The following RASSF6 variants were observed in gnomAD, a reference collection of about 807,000 sequenced individuals.
The protein encoded by RASSF6 is Ras association domain family member 6.
A neutral mutation model predicts 44.0 loss-of-function variants in RASSF6; 52 were observed. That is an observed-to-expected ratio of 1.18 (90% CI 0.95 to 1.49). RASSF6 has a LOEUF of 1.49. RASSF6 is among the 40% of genes most tolerant of loss of function. RASSF6 has a pLI of 0.00. For missense variants in RASSF6, 464 were observed against 393.3 expected (o/e 1.18, Z -1.52); for synonymous variants, 162 against 124.6 (o/e 1.30, Z -2.00).
intron 1 of RASSF6, among the ~76,000 whole-genome samples, chr4:73,614,441 C>T (rs1290476571): frequency 6.6e-6 from 1 of 152,150 alleles, no homozygotes; most frequent in African/African-American, 2.4e-5. Flanking sequence ...CCAGAAGCTG[C>T]CTGGACCCTT....
chr4:73,581,113 G>C (rs1393471161), intron 8 of RASSF6, among the ~76,000 whole-genome samples: 1 of 151,908 alleles, frequency 6.6e-6, no homozygotes, highest in African/African-American at 2.4e-5. Flanking sequence ...AGGTGTTCTG[G>C]CATCAAAATG....
At chr4:73,610,240 G>C (rs1015086360) in intron 2 of RASSF6, among the ~76,000 whole-genome samples, 3 of 151,960 alleles carry the variant, frequency 2.0e-5, no homozygotes, top group Non-Finnish European at 2.9e-5. Context: ...CTATTGTGTT[G>C]GTCTTCAAAC....
rs1380984245 is a variant in RASSF6, at chr4:73,608,014, C to A, written c.65+3717G>T. ...CCTCTCCCCTTCTCTCCTCTCCTCTCCTCTCCTCCATCCCCTCCCCTCCCC... is the reference window on the plus strand; with the variant it reads ...CCTCTCCCCTTCTCTCCTCTCCTCTACTCTCCTCCATCCCCTCCCCTCCCC... On this transcript the variant is annotated intron_variant, in intron 2 of 10. Coordinates refer to ENST00000307439, the MANE Select transcript of RASSF6 (RefSeq NM_177532.5). Among the ~76,000 whole-genome samples, 2 of 101,990 alleles carry A rather than the reference C, an allele frequency of 2.0e-5. 1 individual carries two copies. Among genetic ancestry groups the A allele is most frequent in the African/African-American group, 7.7e-5 (2 of 25,898 alleles). 66.9% of individuals were successfully genotyped at this position (101,990 alleles called of 152,430 possible).
rs776497477 is a variant in RASSF6 at position 73,587,846 on chromosome 4, G to C, written c.376C>G (p.Gln126Glu). 1 of 1,602,392 alleles carries C rather than the reference G, an allele frequency of 6.2e-7. No homozygotes were observed. Among genetic ancestry groups the C allele is most frequent in the African/African-American group, 1.3e-5 (1 of 74,696 alleles). Residue 126 changes from glutamine to glutamate, a missense_variant, in exon 5 of 11, where the codon CAG (glutamine) becomes GAG (glutamate). By Grantham distance (29) the Gln-to-Glu change is conservative (BLOSUM62 2). Coordinates refer to ENST00000307439, the MANE Select transcript of RASSF6 (RefSeq NM_177532.5). Reference protein sequence around the residue: ...QIPMSEKRNSQEDYLSYHSNT... With the variant: ...QIPMSEKRNSEEDYLSYHSNT... Reference sequence around the variant, plus strand: ...ATAAGATTTTGATACTGACCTTCCTGGGAATTCCTTTTTTCAGACATAGGA... The same window carrying C: ...ATAAGATTTTGATACTGACCTTCCTCGGAATTCCTTTTTTCAGACATAGGA...
chr4:73,576,391 G>T lies in RASSF6; in HGVS notation c.938+19C>A. The T allele has an allele frequency of 6.7e-7, 1 of 1,490,488 alleles. No homozygotes were observed. Among genetic ancestry groups the T allele is most frequent in the Non-Finnish European group, 9.3e-7 (1 of 1,078,844 alleles). 92.3% of individuals were successfully genotyped at this position (1,490,488 alleles called of 1,614,324 possible). ...CATATTAAAGAACGGAGTATCCAAT[G>T]TGCATGCTCTTGACTTACTTTGTTA... is the stretch of plus-strand genomic sequence containing the variant. On this transcript the variant is annotated intron_variant, in intron 10 of 10. Coordinates refer to ENST00000307439, the MANE Select transcript of RASSF6 (RefSeq NM_177532.5).
At chr4:73,611,046 C>G (rs1725972756) in intron 2 of RASSF6, among the ~76,000 whole-genome samples, 1 of 152,132 alleles carries the variant, frequency 6.6e-6, no homozygotes, top group Non-Finnish European at 1.5e-5. Flanking sequence ...CTGCCCAACC[C>G]TGCATCATTC....
intron 3 of RASSF6, among the ~76,000 whole-genome samples, chr4:73,594,059 C>G (rs1319885165): frequency 6.6e-6 from 1 of 152,106 alleles, no homozygotes; most frequent in Non-Finnish European, 1.5e-5. Flanking sequence ...TAAAATAACA[C>G]GTGTGAAAAC....
At position 73,585,282 on chromosome 4, in the gene RASSF6, A is replaced by G; in HGVS notation, c.465T>C (p.Ser155=). ...PDSPVLYRTM[S]EAALVRKRMK... is the part of the protein sequence containing the mutation. ...TCCTTTTTCTCACCAGAGCTGCTTC[A>G]CTCATGGTTCTATAGAGCACTGGGG... The change falls in exon 6 of 11, where the codon AGT becomes AGC. Residue 155 remains serine, a synonymous_variant. Transcript: ENST00000307439. 1 of 1,612,692 alleles carries G rather than the reference A, an allele frequency of 6.2e-7. No homozygotes were observed. The highest frequency in any genetic ancestry group is 8.5e-7 in the Non-Finnish European group (1 of 1,179,120).
intron 2 of RASSF6, among the ~76,000 whole-genome samples, chr4:73,607,019 C>T (rs1311518032): frequency 6.6e-6 from 1 of 152,134 alleles, no homozygotes; most frequent in Non-Finnish European, 1.5e-5. Context: ...CACTCACTGG[C>T]TCTGACTTTG....
At chr4:73,591,123 A>G (rs1373552814) in intron 4 of RASSF6, among the ~76,000 whole-genome samples, 1 of 152,228 alleles carries the variant, frequency 6.6e-6, no homozygotes, top group Non-Finnish European at 1.5e-5. Flanking sequence ...AGAGTTAAAT[A>G]AGAGAATTTT....
At chr4:73,611,013 T>C (rs771783326) in intron 2 of RASSF6, among the ~76,000 whole-genome samples, 6 of 152,218 alleles carry the variant, frequency 3.9e-5, no homozygotes, top group Non-Finnish European at 5.9e-5. Flanking sequence ...TATTTGATCA[T>C]ATTTGTTTCC....
chr4:73,588,339 T>G (rs1046399856), intron 4 of RASSF6, among the ~76,000 whole-genome samples: 4 of 152,116 alleles, frequency 2.6e-5, no homozygotes, highest in Non-Finnish European at 5.9e-5. Flanking sequence ...TTGTACCTTT[T>G]GCATTCAAAA....
At chr4:73,602,960 C>G (rs545429766) in intron 2 of RASSF6, among the ~76,000 whole-genome samples, 10 of 152,002 alleles carry the variant, frequency 6.6e-5, no homozygotes, top group Non-Finnish European at 1.0e-4. Context: ...CGGTGGCGGG[C>G]GCTTGTAGTC....
At chr4:73,583,372 T>C (rs1470738826) in intron 6 of RASSF6, among the ~76,000 whole-genome samples, 1 of 152,126 alleles carries the variant, frequency 6.6e-6, no homozygotes, top group Non-Finnish European at 1.5e-5. Context: ...GGCCAAAACA[T>C]ATAATGAAAC....
intron 1 of RASSF6, among the ~76,000 whole-genome samples, chr4:73,615,214 C>T (rs1330082084): frequency 8.0e-6 from 1 of 125,662 alleles, no homozygotes; most frequent in African/African-American, 2.9e-5. Flanking sequence ...AACAAATAAA[C>T]AAACAAAAAC....
At chr4:73,590,727 C>T (rs1193139349) in intron 4 of RASSF6, among the ~76,000 whole-genome samples, 2 of 152,178 alleles carry the variant, frequency 1.3e-5, no homozygotes, top group African/African-American at 2.4e-5. Context: ...TCTAATCTTG[C>T]TCTTGTTTGC....
intron 3 of RASSF6, among the ~76,000 whole-genome samples, chr4:73,596,366 C>A (rs1724943491): frequency 6.6e-6 from 1 of 152,122 alleles, no homozygotes; most frequent in South Asian, 2.1e-4. Context: ...AGAGCCAAAT[C>A]CCAAACAAAC....
chr4:73,586,073 G>A (rs1359104789), intron 5 of RASSF6, among the ~76,000 whole-genome samples: 2 of 144,038 alleles, frequency 1.4e-5, no homozygotes, highest in African/African-American at 5.1e-5. Flanking sequence ...TAAAACTACA[G>A]AAAGCTCTTT....
At chr4:73,618,320 T>TCTATCTATCTATCTAC (rs1219380460) in intron 1 of RASSF6, among the ~76,000 whole-genome samples, 1 of 151,978 alleles carries the variant, frequency 6.6e-6, no homozygotes, top group African/African-American at 2.4e-5. Flanking sequence ...TATCTATCTA[T>TCTATCTATCTATCTAC]CTAAACAGAT....
Sources: gnomAD v4.1 joint callset for allele counts (sites outside exome capture counted in the v4.1 genomes callset) on GRCh38, gnomAD v4.1.1 for gene constraint, MANE v1.5 for transcripts, NCBI Gene and HGNC (gene_info 2026-07-23, HGNC 2026-07-21) for gene names.